CMSS1: variants seen among roughly 807,000 people sequenced by gnomAD.
CMSS1 encodes cms1 ribosomal small subunit homolog.
Under a neutral mutation model 43.5 loss-of-function variants are expected in CMSS1, and 33 were observed. The ratio of observed to expected loss-of-function variants is 0.76; its 90% CI spans 0.57 to 1.01. The LOEUF (loss-of-function observed/expected upper bound fraction) is 1.01, where lower values mean the gene tolerates loss of function less well. CMSS1 is among the 50% of genes least tolerant of loss of function. The probability of loss-of-function intolerance (pLI) is 0.00; values close to 1 mark genes in which losing one functional copy is unlikely to be tolerated. For synonymous variants in CMSS1, 115 were observed against 117.2 expected, an observed-to-expected ratio of 0.98 and a Z score of 0.12; for missense variants, 313 against 326.4, an observed-to-expected ratio of 0.96 and a Z score of 0.32.
At chr3:100,175,692 C>A (rs1474480373) in intron 8 of CMSS1, among the ~76,000 whole-genome samples, 3 of 152,148 alleles carry the variant, frequency 2.0e-5, no homozygotes, top group Non-Finnish European at 2.9e-5. Flanking sequence ...GGAGCAGAGG[C>A]AAGAACTGAC....
intron 1 of CMSS1, among the ~76,000 whole-genome samples, chr3:99,994,548 A>G (rs772096925): frequency 2.0e-5 from 3 of 152,234 alleles, no homozygotes; most frequent in Admixed American, 6.5e-5. Context: ...TCAGAACACA[A>G]TGGAAAAAGG....
At chr3:99,985,627 TGC>T (rs1709316595) in intron 1 of CMSS1, among the ~76,000 whole-genome samples, 2 of 152,244 alleles carry the variant, frequency 1.3e-5, no homozygotes, top group South Asian at 4.1e-4. Context: ...CTCGCTCTGT[TGC>T]CCAGGCTGGA....
chr3:99,861,442 C>A (rs1559664218), intron 1 of CMSS1, among the ~76,000 whole-genome samples: 1 of 152,314 alleles, frequency 6.6e-6, no homozygotes, highest in East Asian at 1.9e-4. Flanking sequence ...GCATACAGAG[C>A]TGCCTTTACA....
intron 1 of CMSS1, among the ~76,000 whole-genome samples, chr3:100,088,311 A>G (rs765289145): frequency 6.6e-6 from 1 of 152,206 alleles, no homozygotes; most frequent in Non-Finnish European, 1.5e-5. Context: ...AGAAGTTAAT[A>G]TAGGTTTTCA....
At chr3:100,131,593 C>T (rs2066708858) in intron 1 of CMSS1, among the ~76,000 whole-genome samples, 1 of 152,186 alleles carries the variant, frequency 6.6e-6, no homozygotes, top group African/African-American at 2.4e-5. Flanking sequence ...AGCCTCAGGC[C>T]TTTCCCAGTT....
chr3:99,907,275 T>G (rs1706649430), intron 1 of CMSS1, among the ~76,000 whole-genome samples: 1 of 151,910 alleles, frequency 6.6e-6, no homozygotes, highest in African/African-American at 2.4e-5. Context: ...TGAGACAGAG[T>G]CTCACTCTGT....
Position 100,160,015 on chromosome 3 carries a change from C to G in CMSS1, c.154-415C>G. On this transcript the variant is annotated intron_variant, in intron 2 of 9. Coordinates refer to ENST00000421999, the MANE Select transcript of CMSS1 (RefSeq NM_032359.4). Reference sequence around the variant, plus strand: ...TAAACCAGTGACTTGGAAATGTAGGCTCACACACAGCTAGTTCATGGAAAA... The same window carrying G: ...TAAACCAGTGACTTGGAAATGTAGGGTCACACACAGCTAGTTCATGGAAAA... The G allele has an allele frequency of 4.6e-6, 2 of 436,786 alleles. 1 individual carries two copies. The highest frequency in any genetic ancestry group is 3.3e-5 in the South Asian group (2 of 61,396). The allele number at this position is 436,786 out of a possible 1,614,324, so 27.1% of individuals were successfully genotyped here.
At chr3:99,820,494 G>A (rs555343750) in intron 1 of CMSS1, among the ~76,000 whole-genome samples, 2 of 152,304 alleles carry the variant, frequency 1.3e-5, no homozygotes, top group South Asian at 4.1e-4. Flanking sequence ...ACCGCACCCG[G>A]CCAAGACTAA....
intron 1 of CMSS1, among the ~76,000 whole-genome samples, chr3:100,037,939 C>CTTTT (rs150366639): frequency 4.8e-3 from 565 of 118,170 alleles, no homozygotes; most frequent in Non-Finnish European, 5.6e-3. Context: ...AATCGCTTTT[C>CTTTT]TTTTTTTTTT....
chr3:100,069,035 G>A (rs1351175215), intron 1 of CMSS1, among the ~76,000 whole-genome samples: 2 of 152,148 alleles, frequency 1.3e-5, no homozygotes, highest in African/African-American at 4.8e-5. Flanking sequence ...GTACCCACGT[G>A]ATTTGGGCAC....
At chr3:99,826,462 A>T (rs948653217) in intron 1 of CMSS1, among the ~76,000 whole-genome samples, 1 of 152,224 alleles carries the variant, frequency 6.6e-6, no homozygotes, top group African/African-American at 2.4e-5. Context: ...GCTGTGTTCC[A>T]ATAAAATTTT....
chr3:99,965,475 G>A (rs536625535), intron 1 of CMSS1, among the ~76,000 whole-genome samples: 5 of 152,188 alleles, frequency 3.3e-5, no homozygotes, highest in East Asian at 1.9e-4. Flanking sequence ...TTGGAATTGA[G>A]ATAAATGTTA....
intron 1 of CMSS1, among the ~76,000 whole-genome samples, chr3:100,011,403 A>T (rs547320539): frequency 3.9e-5 from 6 of 152,226 alleles, no homozygotes; most frequent in African/African-American, 1.4e-4. Context: ...TTTCTTTTAG[A>T]GACTAACTTA....
At chr3:99,881,915 G>A (rs949603752) in intron 1 of CMSS1, among the ~76,000 whole-genome samples, 5 of 152,164 alleles carry the variant, frequency 3.3e-5, no homozygotes, top group Non-Finnish European at 5.9e-5. Flanking sequence ...TTCAGGGTAA[G>A]TATTTGCAGA....
intron 1 of CMSS1, among the ~76,000 whole-genome samples, chr3:99,928,877 T>C: frequency 6.6e-6 from 1 of 152,212 alleles, no homozygotes; most frequent in East Asian, 1.9e-4. Flanking sequence ...CAACAGACTT[T>C]GGGTGGTCTC....
At chr3:100,141,118 TC>T (rs2066801096) in intron 1 of CMSS1, among the ~76,000 whole-genome samples, 1 of 152,166 alleles carries the variant, frequency 6.6e-6, no homozygotes, top group South Asian at 2.1e-4. Context: ...TGGTTCCTCC[TC>T]CACTTCCCAC....
chr3:100,041,989 G>A (rs1022813289), intron 1 of CMSS1, among the ~76,000 whole-genome samples: 7 of 152,156 alleles, frequency 4.6e-5, no homozygotes, highest in Non-Finnish European at 7.4e-5. Context: ...TCTTTCTTCA[G>A]CTATATGATC....
chr3:99,843,489 A>G (rs923542657), intron 1 of CMSS1, among the ~76,000 whole-genome samples: 10 of 152,334 alleles, frequency 6.6e-5, no homozygotes, highest in African/African-American at 1.7e-4. Context: ...GAGAGGGACT[A>G]TGGTCAGAAT....
At chr3:99,843,140 TTGAA>T (rs1443431119) in intron 1 of CMSS1, among the ~76,000 whole-genome samples, 4 of 152,234 alleles carry the variant, frequency 2.6e-5, no homozygotes, top group African/African-American at 9.6e-5. Flanking sequence ...GTGCCATAAG[TTGAA>T]TGGAGTCCTT....
Sources: allele counts gnomAD v4.1 joint callset (sites outside exome capture counted in the v4.1 genomes callset), GRCh38; gene constraint gnomAD v4.1.1; transcripts MANE v1.5; gene names NCBI Gene and HGNC (gene_info 2026-07-23, HGNC 2026-07-21).